CDHR3: variants seen among roughly 807,000 people sequenced by gnomAD.
CDHR3 encodes the protein cadherin-related family member 3.
Under a neutral mutation model 86.6 loss-of-function variants are expected in CDHR3, and 79 were observed. That is an observed-to-expected ratio of 0.91 (90% CI 0.76 to 1.10). CDHR3 has a LOEUF of 1.10. Among genes scored for constraint, CDHR3 ranks in the 50% least tolerant of loss-of-function variants. The pLI is 0.00. For missense variants in CDHR3, 1,081 were observed against 1,077.6 expected (o/e 1.00, Z -0.04); for synonymous variants, 421 against 402.4 (o/e 1.05, Z -0.55).
In CDHR3 at chr7:106,030,847, A is replaced by G. The variant is rs777978073; in HGVS notation, c.2353+7A>G. ...GGAGAAGCCATAGATCCAGGTAATT[A>G]AGTGGCAATACCACTGTAAGAATGC... On this transcript the variant is annotated splice_region_variant and intron_variant, in intron 18 of 18. Transcript: ENST00000317716. This position sits in a 1 kb window ranked among gnomAD's most constrained non-coding sequence, Gnocchi z 4.8. 8.7e-6 allele frequency: 14 copies of G among 1,608,218 alleles called. No homozygotes were observed. The highest frequency in any genetic ancestry group is 1.7e-5 in the Admixed American group (1 of 59,352).
At chr7:106,032,268 G>T in intron 18 of CDHR3, 125 bp from the exon 19 acceptor site, 3 of 914,250 alleles carry the variant, frequency 3.3e-6, no homozygotes, top group Non-Finnish European at 3.3e-6. Flanking sequence ...CTGTGTCAGT[G>T]ATTCACACCT....
intron 12 of CDHR3, among the ~76,000 whole-genome samples, chr7:106,019,869 A>G (rs1269710946): frequency 6.6e-6 from 1 of 152,252 alleles, no homozygotes; most frequent in African/African-American, 2.4e-5. Flanking sequence ...AGTGGGCCCA[A>G]GAAAGCAGAG....
At position 106,001,564 on chromosome 7, in the gene CDHR3, C is replaced by T; in HGVS notation, c.816C>T (p.Leu272=). ...ATGATGAAGGTTTTCCCAGCCACCT[C>T]CTCTACAGCATTACCACTGTTAGCA... is the stretch of plus-strand genomic sequence containing the variant. ...DPDDEGFPSH[L]LYSITTVSKY... Residue 272 remains leucine, a synonymous_variant, in exon 7 of 19, where the codon CTC becomes CTT. Transcript: ENST00000317716. The T allele has an allele frequency of 6.2e-7, 1 of 1,614,012 alleles. No homozygotes were observed.
intron 8 of CDHR3, among the ~76,000 whole-genome samples, chr7:106,010,190 C>T (rs1345145239): frequency 6.6e-6 from 1 of 152,152 alleles, no homozygotes; most frequent in African/African-American, 2.4e-5. Context: ...ATCTGTGAGC[C>T]TGGATACTTA....
chr7:106,001,622 A>AC lies in CDHR3; in HGVS notation c.862+13dup. On this transcript the variant is annotated intron_variant, in intron 7 of 18. Transcript: ENST00000317716. ...CATGATAAATCAGTGTAAGCCACTC[A>AC]CTTCCATCCTTAAGTGCATCCTCTA... 6.2e-7 allele frequency: 1 copy of AC among 1,613,586 alleles called. No homozygotes were observed. Among genetic ancestry groups the AC allele is most frequent in the Non-Finnish European group, 8.5e-7 (1 of 1,179,590 alleles).
intron 2 of CDHR3, among the ~76,000 whole-genome samples, chr7:105,979,975 T>A (rs1829391036): frequency 2.0e-5 from 3 of 152,202 alleles, no homozygotes; most frequent in Admixed American, 2.0e-4. Context: ...CCAGAGTTCC[T>A]GCTGGCAATA....
chr7:106,017,610 A>ACACAC (rs1835861192), intron 11 of CDHR3, among the ~76,000 whole-genome samples: 1 of 116,442 alleles, frequency 8.6e-6, no homozygotes, highest in South Asian at 2.9e-4. Context: ...CACACACACA[A>ACACAC]AGATATAAAT....
At chr7:105,977,989 T>A (rs373427702) in intron 2 of CDHR3, among the ~76,000 whole-genome samples, 6 of 152,232 alleles carry the variant, frequency 3.9e-5, no homozygotes, top group South Asian at 2.1e-4. Flanking sequence ...TGAATGCATT[T>A]ATTTAATCCT....
Position 105,974,104 on chromosome 7 carries a change from G to A in CDHR3, c.47-740G>A, listed in dbSNP as rs76387909. Among the ~76,000 whole-genome samples the A allele has an allele frequency of 6.8e-4, 104 of 152,334 alleles. No homozygotes were observed. In the East Asian group the frequency reaches 0.019, roughly 28 times the overall value. On this transcript the variant is annotated intron_variant, in intron 1 of 18. Transcript: ENST00000317716. ...TTCTCTGCACTGGCAAAGTCTTGTA[G>A]TGTTGTGCACCTTAGAATGGTCCCA...
rs764859137 is a variant in CDHR3 at position 106,030,819 on chromosome 7, G to A, written c.2332G>A (p.Asp778Asn). The change falls in exon 18 of 19, where the codon GAT (aspartate) becomes AAT (asparagine). Residue 778 changes from aspartate to asparagine, a missense_variant. Asp to Asn is a conservative substitution (Grantham distance 23). Coordinates refer to ENST00000317716, the MANE Select transcript of CDHR3 (RefSeq NM_152750.5). The surrounding 1 kb of genome is among the most constrained non-coding windows in gnomAD (Gnocchi z 4.8). ...AACTATCCAGATGAACACTATCTTTGATGGAGAAGCCATAGATCCAGGTAA... is the reference window on the plus strand; with the variant it reads ...AACTATCCAGATGAACACTATCTTTAATGGAGAAGCCATAGATCCAGGTAA... Reference protein sequence around the residue: ...VETIQMNTIFDGEAIDPVTGE... With the variant: ...VETIQMNTIFNGEAIDPVTGE... 7.4e-6 allele frequency: 12 copies of A among 1,611,330 alleles called. No homozygotes were observed. The South Asian group carries it at 8.9e-5, about 12-fold the overall frequency.
intron 4 of CDHR3, among the ~76,000 whole-genome samples, chr7:105,989,999 G>A (rs1831122026): frequency 6.6e-6 from 1 of 152,158 alleles, no homozygotes; most frequent in African/African-American, 2.4e-5. Context: ...TTGTTCAAAG[G>A]CTCATAAAAG....
chr7:105,994,970 T>C (rs777549418), intron 5 of CDHR3, 125 bp downstream of exon 5: 28 of 724,946 alleles, frequency 3.9e-5, no homozygotes, highest in Non-Finnish European at 6.7e-5. Context: ...TACAGCGTCA[T>C]TGTAAGTTCA....
At position 106,006,000 on chromosome 7, in the gene CDHR3, TTGGACTTACAGTTCCACA is replaced by T. The variant is rs562864152; in HGVS notation, c.1052+1317_1052+1334del. ...CGATTTACAAAAGAAAGAGGTTTAATTGGACTTACAGTTCCACATGGCTGGGGAAGCCTCACAATCATG... is the reference window on the plus strand; with the variant it reads ...CGATTTACAAAAGAAAGAGGTTTAATTGGCTGGGGAAGCCTCACAATCATG... On this transcript the variant is annotated intron_variant, in intron 8 of 18. Coordinates refer to ENST00000317716, the MANE Select transcript of CDHR3 (RefSeq NM_152750.5). Among the ~76,000 whole-genome samples the T allele has an allele frequency of 6.1e-3, 923 of 152,294 alleles. 11 individuals carry two copies. Among genetic ancestry groups the T allele is most frequent in the Admixed American group, 0.034 (516 of 15,296 alleles).
chr7:106,031,577 G>A (rs117555883), intron 18 of CDHR3, among the ~76,000 whole-genome samples: 3 of 152,214 alleles, frequency 2.0e-5, no homozygotes, highest in Non-Finnish European at 2.9e-5. Flanking sequence ...CGCCGCCGCT[G>A]CTGCTGCTGC....
chr7:106,015,944 A>G lies in CDHR3; in HGVS notation c.1345A>G (p.Ile449Val). 1 of 1,611,466 alleles carries G rather than the reference A, an allele frequency of 6.2e-7. No individual in the cohort carries two copies. The highest frequency in any genetic ancestry group is 8.5e-7 in the Non-Finnish European group (1 of 1,178,018). The change falls in exon 11 of 19, where the codon ATC becomes GTC. Residue 449 changes from isoleucine (I) to valine (V), a missense_variant. By Grantham distance (29) the Ile-to-Val change is conservative. Coordinates refer to ENST00000317716, the MANE Select transcript of CDHR3 (RefSeq NM_152750.5). ...ATTTTTAGATAACGTCTACGTTTAT[A>G]TCCTAACAAGCCCAGAAAATGAGTT... ...PYYKNNVYVY[I>V]LTSPENEFPL...
intron 3 of CDHR3, among the ~76,000 whole-genome samples, 168 bp from the exon 4 acceptor site, chr7:105,984,024 G>T (rs1268609541): frequency 3.3e-5 from 5 of 152,180 alleles, no homozygotes; most frequent in Admixed American, 3.3e-4. Flanking sequence ...ATGGATCCAT[G>T]CAGGAAAGTT....
At chr7:105,995,242 C>G (rs576647018) in intron 5 of CDHR3, among the ~76,000 whole-genome samples, 1 of 152,322 alleles carries the variant, frequency 6.6e-6, no homozygotes, top group African/African-American at 2.4e-5. Flanking sequence ...AGACCTCTTG[C>G]TAACTCAGTA....
intron 1 of CDHR3, among the ~76,000 whole-genome samples, chr7:105,966,433 T>A (rs1826946009): frequency 2.0e-5 from 3 of 152,194 alleles, no homozygotes; most frequent in Admixed American, 1.3e-4. Context: ...CTTCAGCCCA[T>A]CATCTGTGCG....
intron 1 of CDHR3, among the ~76,000 whole-genome samples, chr7:105,967,499 T>G (rs1827161784): frequency 6.6e-6 from 1 of 152,258 alleles, no homozygotes; most frequent in Non-Finnish European, 1.5e-5. Flanking sequence ...CCAATGGTAT[T>G]TCTAGTTCTA....
Sources: gnomAD v4.1 joint callset for allele counts (sites outside exome capture counted in the v4.1 genomes callset) on GRCh38, gnomAD v4.1.1 for gene constraint, Gnocchi (gnomAD v3.1) non-coding constraint, MANE v1.5 for transcripts, NCBI Gene and HGNC (gene_info 2026-07-23, HGNC 2026-07-21) for gene names.